The following CACNA1C variants were observed in gnomAD, a reference collection of about 807,000 sequenced individuals.
CACNA1C encodes calcium voltage-gated channel subunit alpha1 C, also known as voltage-dependent L-type calcium channel subunit alpha-1C.
CACNA1C carries 30 observed loss-of-function variants against 229.0 expected under a neutral mutation model. That is an observed-to-expected ratio of 0.13 (90% CI 0.10 to 0.18). CACNA1C has a LOEUF of 0.18. CACNA1C is among the 10% of genes least tolerant of loss of function. The pLI is 1.00. For synonymous variants in CACNA1C, 1,114 were observed against 1,132.5 expected (o/e 0.98, Z 0.33); for missense variants, 1,658 against 2,845.0 (o/e 0.58, Z 9.49).
At chr12:1,995,033 G>C (rs1048112625) in intron 1 of CACNA1C, among the ~76,000 whole-genome samples, 8 of 151,810 alleles carry the variant, frequency 5.3e-5, no homozygotes, top group Non-Finnish European at 1.2e-4. Context: ...CATTCTTGAG[G>C]AGTTAGATTT....
chr12:2,549,185 C>T lies in CACNA1C; in HGVS notation c.1391-758C>T, dbSNP rs114663155. ...AGGAGGCTGGACAAGTTGAATTAAA[C>T]GGCTTATATCCAAGTCAGCCTGTTG... On this transcript the variant is annotated intron_variant, in intron 9 of 46. Coordinates refer to ENST00000399655, the MANE Select transcript of CACNA1C (RefSeq NM_000719.7). Among the ~76,000 whole-genome samples, 332 of 152,316 alleles carry T rather than the reference C, an allele frequency of 2.2e-3. 3 individuals carry two copies. The highest frequency in any genetic ancestry group is 7.6e-3 in the African/African-American group (317 of 41,562).
At chr12:2,544,129 T>C (rs2099876937) in intron 9 of CACNA1C, among the ~76,000 whole-genome samples, 1 of 151,372 alleles carries the variant, frequency 6.6e-6, no homozygotes, top group African/African-American at 2.4e-5. Flanking sequence ...GCTTTTTGCA[T>C]GTAGGATTTC....
chr12:2,665,858 C>CTCCTCCTGCTGGCCCTTG lies in CACNA1C; in HGVS notation c.4526+150_4526+151insTCCTCCTGCTGGCCCTTG. ...CACCCTAGGGTGAAAGGTCAAGGGC[C>CTCCTCCTGCTGGCCCTTG]AGCAGGAGGAGGCCCGGCACCTTCA... is the stretch of plus-strand genomic sequence containing the variant. On this transcript the variant is annotated intron_variant, in intron 36 of 46. Coordinates refer to ENST00000399655, the MANE Select transcript of CACNA1C (RefSeq NM_000719.7). This position sits in a 1 kb window ranked among gnomAD's most constrained non-coding sequence, Gnocchi z 5.9. 2 of 774,196 alleles carry CTCCTCCTGCTGGCCCTTG rather than the reference C, an allele frequency of 2.6e-6. No individual in the cohort carries two copies. Among genetic ancestry groups the CTCCTCCTGCTGGCCCTTG allele is most frequent in the Non-Finnish European group, 3.9e-6 (2 of 511,342 alleles). 48.0% of individuals were successfully genotyped at this position (774,196 alleles called of 1,614,324 possible).
chr12:2,696,012 TAGAGTG>T lies in CACNA1C; in HGVS notation c.*4815_*4820del. ...GTATACACAGACAAGGAGGGTGCAG[TAGAGTG>T]ACTCCCTTGGATGGAAGTAGTACCA... is the stretch of plus-strand genomic sequence containing the variant. On this transcript the variant is annotated 3_prime_UTR_variant, in exon 47 of 47. Coordinates refer to ENST00000399655, the MANE Select transcript of CACNA1C (RefSeq NM_000719.7). The T allele has an allele frequency of 6.6e-6, 1 of 152,174 alleles. No individual in the cohort carries two copies. The highest frequency in any genetic ancestry group is 1.5e-5 in the Non-Finnish European group (1 of 68,050). 9.4% of individuals were successfully genotyped at this position (152,174 alleles called of 1,614,324 possible). A position where few individuals can be genotyped will look rare whatever the true frequency, so the allele number is the denominator to read the frequency against.
intron 3 of CACNA1C, among the ~76,000 whole-genome samples, chr12:2,174,062 G>T (rs2096573341): frequency 6.6e-6 from 1 of 152,056 alleles, no homozygotes; most frequent in African/African-American, 2.4e-5. Context: ...TACATAATAT[G>T]TTTAGTTGTG....
intron 3 of CACNA1C, among the ~76,000 whole-genome samples, chr12:2,291,450 G>C (rs1418648993): frequency 6.6e-6 from 1 of 152,224 alleles, no homozygotes; most frequent in African/African-American, 2.4e-5. Context: ...AGGACACCAG[G>C]AGAGGCAGGG....
intron 3 of CACNA1C, among the ~76,000 whole-genome samples, chr12:2,430,452 C>T (rs2154558221): frequency 6.6e-6 from 1 of 152,190 alleles, no homozygotes; most frequent in East Asian, 1.9e-4. Flanking sequence ...GATTCATGGT[C>T]CAGTATATTC....
At chr12:2,600,824 C>T (rs1252564396) in intron 21 of CACNA1C, among the ~76,000 whole-genome samples, 4 of 152,164 alleles carry the variant, frequency 2.6e-5, no homozygotes, top group East Asian at 1.9e-4. Context: ...AGGAAGCATC[C>T]AGAATTCAAA....
intron 11 of CACNA1C, among the ~76,000 whole-genome samples, chr12:2,561,787 C>A (rs1411377485): frequency 6.6e-6 from 1 of 152,202 alleles, no homozygotes; most frequent in African/African-American, 2.4e-5. Flanking sequence ...ATCCCTCTCT[C>A]CTGTGTCTAC....
At chr12:2,158,653 A>G (rs1410857393) in intron 3 of CACNA1C, among the ~76,000 whole-genome samples, 3 of 152,242 alleles carry the variant, frequency 2.0e-5, no homozygotes, top group African/African-American at 7.2e-5. Flanking sequence ...CTGAAGAAAA[A>G]TGATTTCCAG....
At chr12:2,587,239 G>A (rs1002823243) in intron 18 of CACNA1C, among the ~76,000 whole-genome samples, 2 of 152,154 alleles carry the variant, frequency 1.3e-5, no homozygotes, top group Non-Finnish European at 2.9e-5. Context: ...GAAGATAAAT[G>A]GAACAAGATT....
At chr12:2,645,245 G>C (rs866630780) in intron 30 of CACNA1C, among the ~76,000 whole-genome samples, 64 of 152,142 alleles carry the variant, frequency 4.2e-4, no homozygotes, top group Admixed American at 1.4e-3. Context: ...TCCAGGCTTG[G>C]GGGTGTATGT....
intron 3 of CACNA1C, among the ~76,000 whole-genome samples, chr12:2,396,943 C>T (rs2098595311): frequency 6.6e-6 from 1 of 152,250 alleles, no homozygotes; most frequent in Admixed American, 6.5e-5. Flanking sequence ...GGTCTGGATA[C>T]TTCTGGGCCA....
chr12:2,084,702 G>T (rs1475527210), intron 1 of CACNA1C, among the ~76,000 whole-genome samples: 1 of 152,162 alleles, frequency 6.6e-6, no homozygotes, highest in Non-Finnish European at 1.5e-5. Context: ...TGCAGATTAA[G>T]GAAGAAGTAA....
intron 3 of CACNA1C, among the ~76,000 whole-genome samples, chr12:2,377,369 C>T (rs988547823): frequency 6.6e-6 from 1 of 152,126 alleles, no homozygotes; most frequent in Admixed American, 6.5e-5. Context: ...AGTGCAAGGA[C>T]AAACATGGCG....
chr12:2,160,970 C>T (rs544361467), intron 3 of CACNA1C, among the ~76,000 whole-genome samples: 18 of 152,278 alleles, frequency 1.2e-4, no homozygotes, highest in Middle Eastern at 3.4e-3. Context: ...TACAGGCGTG[C>T]GCCACCACAC....
At chr12:2,492,130 C>T (rs1340506136) in intron 6 of CACNA1C, among the ~76,000 whole-genome samples, 1 of 152,206 alleles carries the variant, frequency 6.6e-6, no homozygotes, top group Non-Finnish European at 1.5e-5. Context: ...GTGAATTCCA[C>T]ACCGTTACCT....
rs1182041486 is a variant in CACNA1C, at chr12:2,667,586, G to GA, written c.4623+808dup. On this transcript the variant is annotated intron_variant, in intron 37 of 46. Transcript: ENST00000399655. ...ATTTTAAGAGATTTCCAAGGGCATA[G>GA]AAAATATCAGAAAAGAGCATAAAAT... Among the ~76,000 whole-genome samples, 3 of 152,198 alleles carry GA rather than the reference G, an allele frequency of 2.0e-5. No individual in the cohort carries two copies. The East Asian group carries it at 5.8e-4, about 29-fold the overall frequency.
chr12:2,334,718 C>T lies in CACNA1C; in HGVS notation c.478-114258C>T, dbSNP rs564946847. Among the ~76,000 whole-genome samples, 7 of 151,984 alleles carry T rather than the reference C, an allele frequency of 4.6e-5. No homozygotes were observed. The South Asian group carries it at 1.3e-3, about 27-fold the overall frequency. On this transcript the variant is annotated intron_variant, in intron 3 of 46. Coordinates refer to ENST00000399655, the MANE Select transcript of CACNA1C (RefSeq NM_000719.7). Reference sequence around the variant, plus strand: ...AGCAAATTCTTTAACTTCATTGAAACTCAGTTTTTTCAGCTATAAAATTAA... The same window carrying T: ...AGCAAATTCTTTAACTTCATTGAAATTCAGTTTTTTCAGCTATAAAATTAA...
Sources: allele counts gnomAD v4.1 joint callset (sites outside exome capture counted in the v4.1 genomes callset), GRCh38; gene constraint gnomAD v4.1.1; non-coding constraint Gnocchi (gnomAD v3.1); transcripts MANE v1.5; gene names NCBI Gene and HGNC (gene_info 2026-07-23, HGNC 2026-07-21).